AGK: variants seen among roughly 807,000 people sequenced by gnomAD.
The protein encoded by AGK is acylglycerol kinase.
AGK carries 52 observed loss-of-function variants against 66.4 expected under a neutral mutation model. That is an observed-to-expected ratio of 0.78 (90% CI 0.63 to 0.99). The LOEUF is 0.99. Among genes scored for constraint, AGK ranks in the 50% least tolerant of loss-of-function variants. The pLI is 0.00. For synonymous variants in AGK, 182 were observed against 181.1 expected (o/e 1.00, Z -0.04); for missense variants, 451 against 506.6 (o/e 0.89, Z 1.05).
chr7:141,651,480 A>G, intron 14 of AGK, 45 bp from the exon 15 acceptor site: 1 of 1,533,822 alleles, frequency 6.5e-7, no homozygotes, highest in Non-Finnish European at 9.0e-7. Flanking sequence ...AACCTAGTGC[A>G]GTTGCCATCA....
intron 2 of AGK, among the ~76,000 whole-genome samples, chr7:141,569,921 G>A (rs541052204): frequency 6.6e-6 from 1 of 152,340 alleles, no homozygotes; most frequent in African/African-American, 2.4e-5. Context: ...ATGCTTCAGA[G>A]TGTGAGCTTC....
At chr7:141,614,281 G>C in intron 7 of AGK, 103 bp downstream of exon 7, 2 of 810,932 alleles carry the variant, frequency 2.5e-6, no homozygotes, top group Non-Finnish European at 3.7e-6. Context: ...TTTAAAACGG[G>C]TACAAATTGT....
intron 5 of AGK, among the ~76,000 whole-genome samples, chr7:141,604,374 GTATATATATATATATA>G (rs368893843): frequency 1.8e-5 from 2 of 113,802 alleles, no homozygotes; most frequent in East Asian, 2.7e-4. Context: ...GTGTGTGTGT[GTATATATATATATATA>G]TATATATATA....
intron 9 of AGK, among the ~76,000 whole-genome samples, chr7:141,626,194 G>A (rs891044947): frequency 6.6e-6 from 1 of 152,160 alleles, no homozygotes; most frequent in East Asian, 1.9e-4. Context: ...GTAGCCTGCA[G>A]GTGTCCTACT....
At chr7:141,608,227 G>C (rs1328188401) in intron 5 of AGK, among the ~76,000 whole-genome samples, 1 of 152,102 alleles carries the variant, frequency 6.6e-6, no homozygotes, top group Non-Finnish European at 1.5e-5. Context: ...ATTAAGCAGG[G>C]TAAGGAGACA....
intron 2 of AGK, among the ~76,000 whole-genome samples, chr7:141,558,563 A>G (rs184673128): frequency 1.9e-4 from 29 of 152,308 alleles, no homozygotes; most frequent in Non-Finnish European, 3.7e-4. Flanking sequence ...CCTCTTGACT[A>G]TTGTGAAACA....
chr7:141,565,687 C>A (rs1795453119), intron 2 of AGK, among the ~76,000 whole-genome samples: 1 of 151,842 alleles, frequency 6.6e-6, no homozygotes, highest in Non-Finnish European at 1.5e-5. Flanking sequence ...CATCCTTTAT[C>A]CTCCTTCATT....
intron 5 of AGK, among the ~76,000 whole-genome samples, chr7:141,604,184 T>G (rs1364179757): frequency 6.6e-6 from 1 of 151,840 alleles, no homozygotes; most frequent in Admixed American, 6.6e-5. Flanking sequence ...TTACAGGGTT[T>G]GTTTTCTTTC....
Position 141,651,706 on chromosome 7 carries a change from T to C in AGK, c.1131+97T>C, listed in dbSNP as rs1587179405. ...CATCCTTCCTCTCTGTTAGCTGACCTAGACTTAGGCACATATTGTGTGCCA... is the reference window on the plus strand; with the variant it reads ...CATCCTTCCTCTCTGTTAGCTGACCCAGACTTAGGCACATATTGTGTGCCA... On this transcript the variant is annotated intron_variant, in intron 15 of 15. Transcript: ENST00000649286. 2.6e-6 allele frequency: 3 copies of C among 1,148,590 alleles called. No individual in the cohort carries two copies. The East Asian group carries it at 7.1e-5, about 27-fold the overall frequency. 71.1% of individuals were successfully genotyped at this position (1,148,590 alleles called of 1,614,324 possible). A position where few individuals can be genotyped will look rare whatever the true frequency, so the allele number is the denominator to read the frequency against.
rs556721761 is a variant in AGK at position 141,641,261 on chromosome 7, C to T, written c.740C>T (p.Thr247Ile). The change falls in exon 12 of 16, where the codon ACT becomes ATT. Residue 247 changes from threonine to isoleucine, a missense_variant. By Grantham distance (89) the Thr-to-Ile change is moderately conservative. Coordinates refer to ENST00000649286, the MANE Select transcript of AGK (RefSeq NM_018238.4). Reference sequence around the variant, plus strand: ...CCACATTAAAAGGAGTGGCCTCAGACTCATCAAGCCTCTATCTCATACACG... The same window carrying T: ...CCACATTAAAAGGAGTGGCCTCAGATTCATCAAGCCTCTATCTCATACACG... ...FFSTLKEWPQ[T>I]HQASISYTGP... 7.4e-6 allele frequency: 12 copies of T among 1,612,466 alleles called. No individual in the cohort carries two copies. In the South Asian group the frequency reaches 1.2e-4, roughly 16 times the overall value.
intron 11 of AGK, among the ~76,000 whole-genome samples, chr7:141,639,511 A>G (rs1797242183): frequency 6.6e-6 from 1 of 152,180 alleles, no homozygotes; most frequent in African/African-American, 2.4e-5. Flanking sequence ...TTGTCCCTGG[A>G]CAGGACAAGG....
intron 2 of AGK, among the ~76,000 whole-genome samples, chr7:141,590,325 G>A (rs1046350400): frequency 1.6e-4 from 25 of 152,212 alleles, no homozygotes; most frequent in Non-Finnish European, 1.8e-4. Context: ...AGGATATAGA[G>A]ATGGGATTGT....
intron 9 of AGK, among the ~76,000 whole-genome samples, chr7:141,630,603 A>C (rs1366011091): frequency 6.6e-6 from 1 of 152,042 alleles, no homozygotes; most frequent in Non-Finnish European, 1.5e-5. Flanking sequence ...AGCTCCCCCC[A>C]CCCATTGTAC....
intron 5 of AGK, among the ~76,000 whole-genome samples, chr7:141,603,010 T>G (rs1796376975): frequency 6.6e-6 from 1 of 152,146 alleles, no homozygotes; most frequent in Non-Finnish European, 1.5e-5. Flanking sequence ...TCTATAAAAT[T>G]CTAGTATTTT....
intron 6 of AGK, among the ~76,000 whole-genome samples, chr7:141,611,698 TA>T (rs773439080): frequency 5.3e-5 from 8 of 152,196 alleles, no homozygotes; most frequent in Non-Finnish European, 1.0e-4. Context: ...TCATTTCCAT[TA>T]CATATAATAT....
In AGK at chr7:141,555,599, C is replaced by A. The variant is rs1164551953; in HGVS notation, c.101+32C>A. The A allele has an allele frequency of 6.5e-7, 1 of 1,534,990 alleles. No homozygotes were observed. The highest frequency in any genetic ancestry group is 9.0e-7 in the Non-Finnish European group (1 of 1,113,426). On this transcript the variant is annotated intron_variant, in intron 2 of 15. Transcript: ENST00000649286. The surrounding 1 kb of genome is among the most constrained non-coding windows in gnomAD (Gnocchi z 4.2). ...ATCTGACAGCCCCATCCCACCTTTG[C>A]ATCTGCAGCAAAACAGCCCCAAAGG...
chr7:141,614,179 G>A lies in AGK; in HGVS notation c.423+1G>A. 1.3e-6 allele frequency: 2 copies of A among 1,530,122 alleles called. No homozygotes were observed. The highest frequency in any genetic ancestry group is 2.8e-5 in the African/African-American group (2 of 70,906). The allele number at this position is 1,530,122 out of a possible 1,614,324, so 94.8% of individuals were successfully genotyped here. Reference sequence around the variant, plus strand: ...TGGTGTTCTTCGACGAACAGATGAGGTGAGCATTAAAGAGTAATTGCATTT... The same window carrying A: ...TGGTGTTCTTCGACGAACAGATGAGATGAGCATTAAAGAGTAATTGCATTT... On this transcript the variant is annotated splice_donor_variant, in intron 7 of 15. Transcript: ENST00000649286. LOFTEE classifies it high-confidence loss of function.
chr7:141,627,482 C>G (rs1796964162), intron 9 of AGK, among the ~76,000 whole-genome samples: 1 of 152,156 alleles, frequency 6.6e-6, no homozygotes, highest in Non-Finnish European at 1.5e-5. Context: ...TTCCAAAGTT[C>G]AATCCCAAAA....
chr7:141,613,174 G>T (rs1041135049), intron 6 of AGK, among the ~76,000 whole-genome samples: 7 of 152,192 alleles, frequency 4.6e-5, no homozygotes, highest in Non-Finnish European at 8.8e-5. Flanking sequence ...GGCAGGAGAA[G>T]ATGAAGGGAG....
Sources: gnomAD v4.1 joint callset for allele counts (sites outside exome capture counted in the v4.1 genomes callset) on GRCh38, gnomAD v4.1.1 for gene constraint, Gnocchi (gnomAD v3.1) non-coding constraint, MANE v1.5 for transcripts, NCBI Gene and HGNC (gene_info 2026-07-23, HGNC 2026-07-21) for gene names.